Variants in BMP2K observed in about 807,000 individuals in gnomAD.
BMP2K encodes the protein BMP2 inducible kinase, also known as BMP-2-inducible protein kinase.
In BMP2K, 74 loss-of-function variants were observed where a neutral mutation model predicts 116.0. That is an observed-to-expected ratio of 0.64 (90% CI 0.53 to 0.77). The LOEUF is 0.77. Ranked by LOEUF, BMP2K falls within the 30% of genes least tolerant of loss-of-function variation. BMP2K has a pLI of 0.00. For synonymous variants in BMP2K, 486 were observed against 502.5 expected (o/e 0.97, Z 0.44); for missense variants, 1,365 against 1,403.6 (o/e 0.97, Z 0.44).
At chr4:78,795,526 A>G (rs926052135) in intron 1 of BMP2K, among the ~76,000 whole-genome samples, 10 of 152,294 alleles carry the variant, frequency 6.6e-5, no homozygotes, top group African/African-American at 2.4e-4. Context: ...ACAAAAGACA[A>G]AATTGACAAA....
chr4:78,777,099 C>T (rs1049785946), intron 1 of BMP2K, among the ~76,000 whole-genome samples: 1 of 152,098 alleles, frequency 6.6e-6, no homozygotes, highest in African/African-American at 2.4e-5. Flanking sequence ...GGGTGTCATG[C>T]GTTGGCCTTT....
chr4:78,870,969 A>G lies in BMP2K; in HGVS notation c.1418A>G (p.Gln473Arg). The G allele has an allele frequency of 6.2e-7, 1 of 1,611,448 alleles. No individual in the cohort carries two copies. The change falls in exon 11 of 16, where the codon CAG (glutamine) becomes CGG (arginine). Residue 473 changes from glutamine to arginine, a missense_variant. By Grantham distance (43) the Gln-to-Arg change is conservative. Coordinates refer to ENST00000502613, the MANE Select transcript of BMP2K (RefSeq NM_198892.2). ...CAGCAGCAGCAACAGCAACAGCAGC[A>G]GCAGCAACAGCAACAGCAGCAGCAG... The part of the protein sequence containing the change: ...QQQQQQQQQQ[Q>R]QQQQQQQQQQ...
chr4:78,828,029 G>A (rs957035099), intron 2 of BMP2K, among the ~76,000 whole-genome samples: 1 of 152,168 alleles, frequency 6.6e-6, no homozygotes, highest in Non-Finnish European at 1.5e-5. Flanking sequence ...CTGCTTAAGA[G>A]TATCTCCTTC....
At chr4:78,786,925 A>G (rs1727759910) in intron 1 of BMP2K, among the ~76,000 whole-genome samples, 1 of 151,960 alleles carries the variant, frequency 6.6e-6, no homozygotes, top group African/African-American at 2.4e-5. Context: ...CATTATTTTT[A>G]AAATATTTGG....
intron 14 of BMP2K, among the ~76,000 whole-genome samples, chr4:78,882,214 A>G (rs6856644): frequency 6.6e-6 from 1 of 151,862 alleles, no homozygotes; most frequent in East Asian, 1.9e-4. Context: ...TGAGATATCA[A>G]AATTCTAAAA....
intron 1 of BMP2K, among the ~76,000 whole-genome samples, chr4:78,817,127 C>A (rs1729388146): frequency 1.3e-5 from 2 of 152,142 alleles, no homozygotes; most frequent in Non-Finnish European, 2.9e-5. Context: ...ATGCATACTT[C>A]TCATCTTCCT....
At chr4:78,886,390 T>C (rs191691929) in intron 14 of BMP2K, among the ~76,000 whole-genome samples, 26 of 152,308 alleles carry the variant, frequency 1.7e-4, no homozygotes, top group African/African-American at 6.0e-4. Flanking sequence ...TCAATTCCTG[T>C]TTCCCTGCAC....
chr4:78,866,229 T>C (rs1732041765), intron 10 of BMP2K, among the ~76,000 whole-genome samples: 1 of 152,166 alleles, frequency 6.6e-6, no homozygotes, highest in Admixed American at 6.5e-5. Context: ...TGGTACAGTG[T>C]GGTACTTAAA....
Position 78,910,969 on chromosome 4 carries a change from C to T in BMP2K, c.2422C>T (p.Gln808Ter), listed in dbSNP as rs1159320492. ...EKHSSDSDYE[Q>*]AKAKYSDMSS... is the part of the protein sequence containing the mutation. ...ACATAGCTCTGATTCTGATTATGAG[C>T]AGGCTAAAGCAAAGTACAGTGACAT... Residue 808 changes from glutamine to a stop codon, truncating the protein, a stop_gained, in exon 16 of 16, where the codon CAG becomes TAG. Transcript: ENST00000502613. LOFTEE classifies it high-confidence loss of function. The T allele has an allele frequency of 6.2e-7, 1 of 1,613,334 alleles. No individual in the cohort carries two copies. The highest frequency in any genetic ancestry group is 1.3e-5 in the African/African-American group (1 of 74,884).
intron 15 of BMP2K, among the ~76,000 whole-genome samples, chr4:78,906,844 C>A (rs1734311113): frequency 6.6e-6 from 1 of 152,098 alleles, no homozygotes; most frequent in Non-Finnish European, 1.5e-5. Flanking sequence ...CCTTTCTTCA[C>A]AATAGCTCTA....
chr4:78,780,300 T>C (rs1727444216), intron 1 of BMP2K, among the ~76,000 whole-genome samples: 2 of 152,168 alleles, frequency 1.3e-5, no homozygotes, highest in African/African-American at 4.8e-5. Flanking sequence ...TGGGTAGGAA[T>C]GATAGTGTGA....
chr4:78,838,722 A>C (rs529894667), intron 3 of BMP2K, among the ~76,000 whole-genome samples: 5 of 152,322 alleles, frequency 3.3e-5, no homozygotes, highest in African/African-American at 1.2e-4. Flanking sequence ...TGTAGGGATA[A>C]AACTGTACAG....
chr4:78,837,222 C>T (rs1031388461), intron 3 of BMP2K, among the ~76,000 whole-genome samples: 1 of 151,232 alleles, frequency 6.6e-6, no homozygotes, highest in Non-Finnish European at 1.5e-5. Flanking sequence ...CGTAGTCTTG[C>T]TCTGTCACCT....
Position 78,912,157 on chromosome 4 carries a change from G to C in BMP2K, c.*124G>C. ...TTCTTAAAGATCAGTCAGAATAGGT[G>C]ATTTCTAAATAAACCAAATAGAAGA... On this transcript the variant is annotated 3_prime_UTR_variant, in exon 16 of 16. Transcript: ENST00000502613. 1.1e-6 allele frequency: 1 copy of C among 873,386 alleles called. No individual in the cohort carries two copies. Among genetic ancestry groups the C allele is most frequent in the South Asian group, 1.7e-5 (1 of 59,016 alleles). 54.1% of individuals were successfully genotyped at this position (873,386 alleles called of 1,614,324 possible).
At chr4:78,854,687 A>G (rs1251022284) in intron 7 of BMP2K, among the ~76,000 whole-genome samples, 1 of 152,090 alleles carries the variant, frequency 6.6e-6, no homozygotes, top group Admixed American at 6.6e-5. Context: ...GACTGGTTCG[A>G]TTAGGGTTAA....
chr4:78,803,097 T>C (rs1418960767), intron 1 of BMP2K, among the ~76,000 whole-genome samples: 3 of 151,822 alleles, frequency 2.0e-5, no homozygotes, highest in Non-Finnish European at 4.4e-5. Flanking sequence ...TGATCCACCC[T>C]CCTCGGCCTC....
In BMP2K at chr4:78,792,076, C is replaced by T. The variant is rs77694451; in HGVS notation, c.178+15355C>T. 6.4e-4 allele frequency among the ~76,000 whole-genome samples: 97 copies of T among 152,290 alleles called. No individual in the cohort carries two copies. The East Asian group carries it at 0.012, about 19-fold the overall frequency. On this transcript the variant is annotated intron_variant, in intron 1 of 15. Transcript: ENST00000502613. ...CATTCCCAACAGCATTGCACATGGG[C>T]TCCAGTTTCTCTACATCCTTGTCTC...
At chr4:78,828,558 GGGGCAGGTGAAAGGA>G (rs1337293325) in intron 2 of BMP2K, among the ~76,000 whole-genome samples, 1 of 152,156 alleles carries the variant, frequency 6.6e-6, no homozygotes, top group Non-Finnish European at 1.5e-5. Context: ...GTCCTGCCTT[GGGGCAGGTGAAAGGA>G]GGGCAGGAGA....
chr4:78,879,426 T>C (rs1732792274), intron 14 of BMP2K: 1 of 985,234 alleles, frequency 1.0e-6, no homozygotes, highest in Non-Finnish European at 1.2e-6. Context: ...AAATTCTTTT[T>C]CACTTTAAAT....
Sources: allele counts gnomAD v4.1 joint callset (sites outside exome capture counted in the v4.1 genomes callset), GRCh38; gene constraint gnomAD v4.1.1; transcripts MANE v1.5; gene names NCBI Gene and HGNC (gene_info 2026-07-23, HGNC 2026-07-21).